Variants in METTL15 observed in about 807,000 individuals in gnomAD.
METTL15 encodes methyltransferase 15, mitochondrial 12S rRNA N4-cytidine, also known as 12S rRNA N(4)-cytidine methyltransferase METTL15.
A neutral mutation model predicts 38.3 loss-of-function variants in METTL15; 34 were observed. That is an observed-to-expected ratio of 0.89 (90% CI 0.68 to 1.18). METTL15 has a LOEUF of 1.18. Ranked by LOEUF, METTL15 falls within the 50% of genes most tolerant of loss-of-function variation. The pLI is 0.00. For synonymous variants in METTL15, 162 were observed against 170.9 expected, an observed-to-expected ratio of 0.95 and a Z score of 0.41; for missense variants, 438 against 498.4, an observed-to-expected ratio of 0.88 and a Z score of 1.15.
At chr11:28,279,914 CAAAA>C (rs57284585) in intron 4 of METTL15, among the ~76,000 whole-genome samples, 1 of 81,664 alleles carries the variant, frequency 1.2e-5, no homozygotes, top group Non-Finnish European at 2.6e-5. Context: ...CAAAACAAAA[CAAAA>C]AAAAAAAAAA....
chr11:28,346,671 A>T (rs989980934), intron 3 of METTL15, among the ~76,000 whole-genome samples: 1 of 152,216 alleles, frequency 6.6e-6, no homozygotes, highest in Non-Finnish European at 1.5e-5. Context: ...AAAATCAAAA[A>T]TACTTTACAA....
intron 3 of METTL15, among the ~76,000 whole-genome samples, chr11:28,181,522 C>A (rs899603722): frequency 4.0e-5 from 6 of 151,820 alleles, no homozygotes; most frequent in Non-Finnish European, 8.8e-5. Context: ...GTTTTCTGTT[C>A]CTGTGTTAGT....
At chr11:28,361,165 GTA>G (rs1251753343) in intron 4 of METTL15, among the ~76,000 whole-genome samples, 1 of 150,740 alleles carries the variant, frequency 6.6e-6, no homozygotes, top group Non-Finnish European at 1.5e-5. Context: ...AGTCCTTTGG[GTA>G]TATACCCAGT....
chr11:28,302,185 C>T (rs1856936680), intron 6 of METTL15, among the ~76,000 whole-genome samples: 1 of 152,124 alleles, frequency 6.6e-6, no homozygotes, highest in Non-Finnish European at 1.5e-5. Context: ...TCCTGAGTAG[C>T]TGGGATTACA....
chr11:28,453,694 A>G (rs949350463), intron 6 of METTL15, among the ~76,000 whole-genome samples: 3 of 152,160 alleles, frequency 2.0e-5, no homozygotes, highest in African/African-American at 7.2e-5. Flanking sequence ...TGGCTTTTGG[A>G]TCTCTCTCTA....
chr11:28,164,582 G>C (rs1850589118), intron 3 of METTL15, among the ~76,000 whole-genome samples: 1 of 151,970 alleles, frequency 6.6e-6, no homozygotes, highest in African/African-American at 2.4e-5. Flanking sequence ...TATTTATGGA[G>C]TACAGTGTAA....
At chr11:28,388,729 G>C (rs144791882) in intron 5 of METTL15, among the ~76,000 whole-genome samples, 1 of 151,854 alleles carries the variant, frequency 6.6e-6, no homozygotes, top group Non-Finnish European at 1.5e-5. Context: ...TATGCACAAC[G>C]TGCAGGTTTG....
intron 5 of METTL15, among the ~76,000 whole-genome samples, chr11:28,378,881 TACA>T (rs1279553185): frequency 1.3e-5 from 2 of 151,900 alleles, no homozygotes; most frequent in Non-Finnish European, 2.9e-5. Context: ...GACTTTTTAT[TACA>T]ACTTTTATCT....
intron 3 of METTL15, among the ~76,000 whole-genome samples, chr11:28,174,058 C>G (rs1307769982): frequency 6.6e-6 from 1 of 152,144 alleles, no homozygotes; most frequent in Non-Finnish European, 1.5e-5. Flanking sequence ...TTTTGCCATG[C>G]TGTACTCTTT....
chr11:28,204,672 G>C (rs769795649), intron 3 of METTL15, among the ~76,000 whole-genome samples: 1 of 151,772 alleles, frequency 6.6e-6, no homozygotes, highest in Non-Finnish European at 1.5e-5. Flanking sequence ...TACTAGTTTA[G>C]TGCAGTCTTA....
chr11:28,353,786 G>A (rs1188724491), intron 4 of METTL15, among the ~76,000 whole-genome samples: 1 of 151,540 alleles, frequency 6.6e-6, no homozygotes, highest in African/African-American at 2.4e-5. Context: ...TTAGCCGGGC[G>A]CGGTGGCGGG....
intron 6 of METTL15, among the ~76,000 whole-genome samples, chr11:28,438,721 C>T (rs1851006212): frequency 1.4e-5 from 2 of 139,482 alleles, no homozygotes; most frequent in Admixed American, 7.6e-5. Context: ...GTCGCACAGA[C>T]TGGAGTGCAG....
chr11:28,350,377 G>T (rs1850030524), intron 3 of METTL15, among the ~76,000 whole-genome samples: 1 of 152,150 alleles, frequency 6.6e-6, no homozygotes, highest in African/African-American at 2.4e-5. Context: ...TTTGAATGTG[G>T]TTTTTAAATA....
intron 3 of METTL15, among the ~76,000 whole-genome samples, chr11:28,171,789 T>C (rs1382516249): frequency 6.6e-6 from 1 of 151,556 alleles, no homozygotes; most frequent in Non-Finnish European, 1.5e-5. Context: ...TCTCTCTCTC[T>C]CTTTTTTTTT....
intron 4 of METTL15, among the ~76,000 whole-genome samples, chr11:28,355,502 C>T (rs1198554837): frequency 6.6e-6 from 1 of 152,078 alleles, no homozygotes; most frequent in Non-Finnish European, 1.5e-5. Flanking sequence ...ATACAATTGG[C>T]CGTGCGTATC....
At chr11:28,253,826 T>C (rs1854854600) in intron 4 of METTL15, among the ~76,000 whole-genome samples, 1 of 152,156 alleles carries the variant, frequency 6.6e-6, no homozygotes, top group African/African-American at 2.4e-5. Flanking sequence ...TTCTTTTTTA[T>C]GGCTAAATAG....
chr11:28,109,560 G>C (rs1039423175), intron 1 of METTL15, among the ~76,000 whole-genome samples: 2 of 152,192 alleles, frequency 1.3e-5, no homozygotes, highest in Admixed American at 6.5e-5. Context: ...ATACAGGCAA[G>C]GCAATTCAGA....
chr11:28,122,237 T>C, intron 3 of METTL15: 1 of 1,160,636 alleles, frequency 8.6e-7, no homozygotes, highest in Middle Eastern at 3.6e-4. Flanking sequence ...TTTTATAAAA[T>C]GCTTTGTTCA....
intron 6 of METTL15, among the ~76,000 whole-genome samples, chr11:28,430,724 TG>T (rs1156286566): frequency 3.9e-4 from 40 of 101,972 alleles, no homozygotes; most frequent in African/African-American, 1.5e-3. Context: ...GGGAGGGAGG[TG>T]GGGGGGTCAG....
Sources: gnomAD v4.1 joint callset for allele counts (sites outside exome capture counted in the v4.1 genomes callset) on GRCh38, gnomAD v4.1.1 for gene constraint, MANE v1.5 for transcripts, NCBI Gene and HGNC (gene_info 2026-07-23, HGNC 2026-07-21) for gene names.